Variants in RAPGEF2 observed in about 807,000 individuals in gnomAD.
The protein encoded by RAPGEF2 is Rap guanine nucleotide exchange factor 2, also known as PDZ domain containing guanine nucleotide exchange factor (GEF) 1.
In RAPGEF2, 54 loss-of-function variants were observed where a neutral mutation model predicts 186.7. That is an observed-to-expected ratio of 0.29 (90% CI 0.23 to 0.36). RAPGEF2 has a LOEUF of 0.36. Among genes scored for constraint, RAPGEF2 ranks in the 10% least tolerant of loss-of-function variants. The pLI is 1.00. For missense variants in RAPGEF2, 1,532 were observed against 2,045.0 expected (o/e 0.75, Z 4.84); for synonymous variants, 712 against 705.9 (o/e 1.01, Z -0.14).
chr4:159,231,619 A>G (rs1465150938), intron 4 of RAPGEF2, among the ~76,000 whole-genome samples: 1 of 152,152 alleles, frequency 6.6e-6, no homozygotes, highest in Non-Finnish European at 1.5e-5. Flanking sequence ...GATTTAAAAT[A>G]AATATTAAGT....
chr4:159,291,898 T>C (rs1428214061), intron 7 of RAPGEF2, among the ~76,000 whole-genome samples: 1 of 152,186 alleles, frequency 6.6e-6, no homozygotes, highest in Non-Finnish European at 1.5e-5. Flanking sequence ...GTAATTCATA[T>C]TTATATTTAA....
Position 159,143,106 on chromosome 4 carries a change from A to G in RAPGEF2, c.69+38875A>G, listed in dbSNP as rs995025424. Among the ~76,000 whole-genome samples, 3 of 152,272 alleles carry G rather than the reference A, an allele frequency of 2.0e-5. No homozygotes were observed. In the East Asian group the frequency reaches 5.8e-4, roughly 29 times the overall value. ...GAAATTTGTTGCTGGGCTTGGTGGC[A>G]TGCACCTGTAGTCTCAATTACTTGG... On this transcript the variant is annotated intron_variant, in intron 1 of 29. Transcript: ENST00000691494.
intron 7 of RAPGEF2, among the ~76,000 whole-genome samples, chr4:159,293,137 A>AT (rs1761457474): frequency 1.3e-5 from 2 of 152,186 alleles, no homozygotes; most frequent in African/African-American, 4.8e-5. Flanking sequence ...ATGTCTATAT[A>AT]TGTATTTTAT....
chr4:159,301,042 C>G (rs181532583), intron 7 of RAPGEF2, among the ~76,000 whole-genome samples: 172 of 152,248 alleles, frequency 1.1e-3, no homozygotes, highest in African/African-American at 3.8e-3. Context: ...ATAACATCTC[C>G]CATTCCATAA....
intron 1 of RAPGEF2, among the ~76,000 whole-genome samples, chr4:159,123,155 C>A (rs74624053): frequency 1.2e-4 from 18 of 152,104 alleles, no homozygotes; most frequent in Admixed American, 1.2e-3. Context: ...CTATTAGTAG[C>A]TAAGTTTTTG....
Position 159,331,910 on chromosome 4 carries a change from A to G in RAPGEF2, c.1780-16A>G, listed in dbSNP as rs772095107. ...TTTTCAGTCAATTTTGATACATTTT[A>G]TAATTTCATTTTTAGATATTAGAAG... On this transcript the variant is annotated splice_polypyrimidine_tract_variant and intron_variant, in intron 15 of 29. Coordinates refer to ENST00000691494, the MANE Select transcript of RAPGEF2 (RefSeq NM_001394067.2). 45 of 1,590,584 alleles carry G rather than the reference A, an allele frequency of 2.8e-5. No individual in the cohort carries two copies. The highest frequency in any genetic ancestry group is 3.8e-5 in the Non-Finnish European group (44 of 1,170,914).
At chr4:159,211,129 A>G (rs569794762) in intron 4 of RAPGEF2, among the ~76,000 whole-genome samples, 68 of 152,234 alleles carry the variant, frequency 4.5e-4, no homozygotes, top group African/African-American at 1.6e-3. Flanking sequence ...TGTGCTGACT[A>G]CTCACTTATG....
intron 1 of RAPGEF2, among the ~76,000 whole-genome samples, chr4:159,123,159 G>C (rs902544635): frequency 6.6e-6 from 1 of 152,184 alleles, no homozygotes; most frequent in Non-Finnish European, 1.5e-5. Context: ...TAGTAGCTAA[G>C]TTTTTGGGAG....
chr4:159,116,100 A>G (rs1318011130), intron 1 of RAPGEF2, among the ~76,000 whole-genome samples: 2 of 152,086 alleles, frequency 1.3e-5, no homozygotes, highest in Non-Finnish European at 2.9e-5. Flanking sequence ...ATCTAATTAA[A>G]CTAAAGAGCC....
At chr4:159,193,320 C>G in intron 3 of RAPGEF2, 64 bp downstream of exon 3, 2 of 1,036,350 alleles carry the variant, frequency 1.9e-6, no homozygotes, top group Non-Finnish European at 2.6e-6. Context: ...CTTAAAGTAT[C>G]AAAGGAGTAT....
chr4:159,212,425 G>A (rs1424294858), intron 4 of RAPGEF2, among the ~76,000 whole-genome samples: 2 of 152,092 alleles, frequency 1.3e-5, no homozygotes, highest in Non-Finnish European at 1.5e-5. Context: ...ATAAAGAGAA[G>A]AAACATTATC....
intron 17 of RAPGEF2, among the ~76,000 whole-genome samples, chr4:159,337,121 G>A (rs575360571): frequency 2.6e-5 from 4 of 152,252 alleles, no homozygotes; most frequent in African/African-American, 9.6e-5. Flanking sequence ...TGTCACTGTC[G>A]ATAATAACCA....
At chr4:159,256,178 G>A (rs372314069) in intron 7 of RAPGEF2, among the ~76,000 whole-genome samples, 1 of 152,106 alleles carries the variant, frequency 6.6e-6, no homozygotes, top group Non-Finnish European at 1.5e-5. Context: ...CCATCACCTA[G>A]GTATTAAGCC....
At chr4:159,347,733 T>G (rs373364956) in intron 25 of RAPGEF2, among the ~76,000 whole-genome samples, 5 of 152,230 alleles carry the variant, frequency 3.3e-5, no homozygotes, top group African/African-American at 4.8e-5. Context: ...GCAGTGAGCC[T>G]AGATCGCACC....
rs768038643 is a variant in RAPGEF2, at chr4:159,338,435, C to T, written c.2260C>T (p.His754Tyr). Residue 754 changes from histidine (H) to tyrosine (Y), a missense_variant, in exon 18 of 30, where the codon CAT becomes TAT. His to Tyr is a moderately conservative substitution (Grantham distance 83). This residue lies in a region of RAPGEF2 where 810 missense variants were observed against 1,210.5 expected (regional missense o/e 0.67). Transcript: ENST00000691494. Reference sequence around the variant, plus strand: ...CAGTAATCCTGATTTATTGCAGTCACATCATCGCATTTTAGACTTCAGTGC... The same window carrying T: ...CAGTAATCCTGATTTATTGCAGTCATATCATCGCATTTTAGACTTCAGTGC... ...SSSNPDLLQSHHRILDFSATP... is the reference protein window; with the variant it reads ...SSSNPDLLQSYHRILDFSATP... The T allele has an allele frequency of 1.9e-6, 3 of 1,614,034 alleles. No individual in the cohort carries two copies. The highest frequency in any genetic ancestry group is 2.5e-6 in the Non-Finnish European group (3 of 1,179,908).
intron 10 of RAPGEF2, among the ~76,000 whole-genome samples, chr4:159,323,217 A>C (rs1293599964): frequency 6.6e-6 from 1 of 152,182 alleles, no homozygotes; most frequent in Non-Finnish European, 1.5e-5. Context: ...TTAGAGAAGA[A>C]TATCCAAAGT....
intron 7 of RAPGEF2, among the ~76,000 whole-genome samples, chr4:159,294,421 C>G (rs1761643812): frequency 6.6e-6 from 1 of 152,202 alleles, no homozygotes; most frequent in South Asian, 2.1e-4. Flanking sequence ...GGGATTGCCG[C>G]TTCCATAGCA....
intron 7 of RAPGEF2, among the ~76,000 whole-genome samples, chr4:159,278,682 C>T (rs1280840097): frequency 1.3e-5 from 2 of 152,150 alleles, no homozygotes; most frequent in Non-Finnish European, 2.9e-5. Context: ...TCAGAAAACT[C>T]CAGAACCAGT....
chr4:159,308,038 T>A (rs1484733087), intron 8 of RAPGEF2, among the ~76,000 whole-genome samples: 2 of 152,246 alleles, frequency 1.3e-5, no homozygotes, highest in Admixed American at 1.3e-4. Context: ...TCTAGTCATA[T>A]GTGCTTTTAC....
Sources: allele counts gnomAD v4.1 joint callset (sites outside exome capture counted in the v4.1 genomes callset), GRCh38; gene constraint gnomAD v4.1.1; regional missense constraint gnomAD v4.1.1; transcripts MANE v1.5; gene names NCBI Gene and HGNC (gene_info 2026-07-23, HGNC 2026-07-21).